MYO16: variants seen among roughly 807,000 people sequenced by gnomAD.
MYO16 encodes unconventional myosin-XVI.
Under a neutral mutation model 205.3 loss-of-function variants are expected in MYO16, and 94 were observed. The observed-to-expected ratio is 0.46, with a 90% CI of 0.39 to 0.54. The LOEUF (loss-of-function observed/expected upper bound fraction) is 0.54. Ranked by LOEUF, MYO16 falls within the 20% of genes least tolerant of loss-of-function variation. The probability of loss-of-function intolerance (pLI) is 0.00; values close to 1 mark genes in which losing one functional copy is unlikely to be tolerated. For synonymous variants in MYO16, 988 were observed against 954.0 expected, an observed-to-expected ratio of 1.04 and a Z score of -0.66; for missense variants, 2,315 against 2,387.5, an observed-to-expected ratio of 0.97 and a Z score of 0.63.
intron 3 of MYO16, among the ~76,000 whole-genome samples, chr13:108,715,039 C>T (rs1883887495): frequency 6.6e-6 from 1 of 152,206 alleles, no homozygotes; most frequent in Admixed American, 6.5e-5. Flanking sequence ...GCTCCAACAG[C>T]TTTCCTTCTC....
chr13:108,781,712 A>G (rs1594289284), intron 4 of MYO16, among the ~76,000 whole-genome samples: 1 of 68,324 alleles, frequency 1.5e-5, no homozygotes, highest in African/African-American at 3.5e-5. Flanking sequence ...ATTGTATCTC[A>G]CACAGAATTC....
intron 24 of MYO16, among the ~76,000 whole-genome samples, chr13:109,051,869 A>G (rs2139604385): frequency 6.6e-6 from 1 of 152,212 alleles, no homozygotes; most frequent in Non-Finnish European, 1.5e-5. Flanking sequence ...GTACTTACAG[A>G]CGGCTCTGAG....
rs1435366315 is a variant in MYO16 at position 108,657,937 on chromosome 13, C to T, written c.29-7949C>T. ...ATTTAATGTTTTAAAATAAGCCACC[C>T]TTTCATTCTGCTGACAAACTATACA... On this transcript the variant is annotated intron_variant, in intron 1 of 34. Coordinates refer to ENST00000457511, the MANE Select transcript of MYO16 (RefSeq NM_001198950.3). 2.6e-5 allele frequency among the ~76,000 whole-genome samples: 4 copies of T among 152,114 alleles called. No homozygotes were observed. In the East Asian group the frequency reaches 7.7e-4, roughly 29 times the overall value.
intron 12 of MYO16, among the ~76,000 whole-genome samples, chr13:108,872,973 A>G (rs1879138338): frequency 6.6e-6 from 1 of 152,196 alleles, no homozygotes; most frequent in Admixed American, 6.5e-5. Context: ...TGTAGATATT[A>G]GGTTGCTGCA....
chr13:109,142,395 C>T (rs993184977), intron 32 of MYO16, among the ~76,000 whole-genome samples: 6 of 151,478 alleles, frequency 4.0e-5, no homozygotes, highest in East Asian at 1.9e-4. Context: ...ATCCCCCACT[C>T]GCCTCCAGGT....
intron 1 of MYO16, among the ~76,000 whole-genome samples, chr13:108,657,497 T>C (rs890167470): frequency 1.3e-5 from 2 of 152,244 alleles, no homozygotes; most frequent in African/African-American, 2.4e-5. Flanking sequence ...GAAATATATA[T>C]CTTGGTTGTA....
intron 2 of MYO16, among the ~76,000 whole-genome samples, chr13:108,666,929 G>A (rs1881758294): frequency 6.6e-6 from 1 of 152,128 alleles, no homozygotes; most frequent in African/African-American, 2.4e-5. Context: ...ATTGTACAAG[G>A]CTTCAAAGAA....
intron 16 of MYO16, among the ~76,000 whole-genome samples, chr13:108,917,084 A>G (rs1314392166): frequency 6.6e-6 from 1 of 152,108 alleles, no homozygotes; most frequent in Non-Finnish European, 1.5e-5. Flanking sequence ...TCTCTGTCAC[A>G]CTCATGCACA....
intron 21 of MYO16, among the ~76,000 whole-genome samples, chr13:109,005,385 T>C (rs1885354974): frequency 6.6e-6 from 1 of 152,194 alleles, no homozygotes; most frequent in African/African-American, 2.4e-5. Context: ...GTGGTAGTCA[T>C]GGAGCACCAT....
intron 20 of MYO16, among the ~76,000 whole-genome samples, chr13:108,983,015 T>C (rs1237462799): frequency 1.3e-5 from 2 of 152,152 alleles, no homozygotes; most frequent in Admixed American, 6.6e-5. Context: ...AAAAAAAACC[T>C]TTTCAATTGA....
At chr13:108,622,269 C>T (rs949502629) in intron 1 of MYO16, among the ~76,000 whole-genome samples, 5 of 152,230 alleles carry the variant, frequency 3.3e-5, no homozygotes, top group African/African-American at 9.6e-5. Context: ...ATAGTCACAT[C>T]GTGATGGTTG....
At chr13:108,613,140 A>G (rs1332720355) in intron 1 of MYO16, among the ~76,000 whole-genome samples, 2 of 152,206 alleles carry the variant, frequency 1.3e-5, no homozygotes, top group African/African-American at 2.4e-5. Flanking sequence ...CGTTGTCTTA[A>G]GAGGGCTAAA....
intron 7 of MYO16, among the ~76,000 whole-genome samples, chr13:108,811,635 C>T (rs1887296470): frequency 6.6e-6 from 1 of 152,012 alleles, no homozygotes; most frequent in South Asian, 2.1e-4. Flanking sequence ...TAATCCTTTG[C>T]CATTTTCCTA....
the MYO16 span, among the ~76,000 whole-genome samples, chr13:108,583,284 C>T: frequency 6.6e-6 from 1 of 152,132 alleles, no homozygotes; most frequent in Non-Finnish European, 1.5e-5. Flanking sequence ...TGGAACATAT[C>T]CGTAAATCAT....
chr13:108,828,716 C>G (rs1395175967), intron 9 of MYO16, among the ~76,000 whole-genome samples: 1 of 152,050 alleles, frequency 6.6e-6, no homozygotes, highest in African/African-American at 2.4e-5. Flanking sequence ...AGGACAGGCT[C>G]GAGATGGAGT....
chr13:109,106,295 TTA>T (rs1889120778), intron 28 of MYO16, among the ~76,000 whole-genome samples: 1 of 152,238 alleles, frequency 6.6e-6, no homozygotes, highest in Non-Finnish European at 1.5e-5. Context: ...ATTATTGTTA[TTA>T]TTCAGGTATT....
At chr13:108,600,491 G>C (rs896053433) in intron 1 of MYO16, among the ~76,000 whole-genome samples, 1 of 152,116 alleles carries the variant, frequency 6.6e-6, no homozygotes, top group Non-Finnish European at 1.5e-5. Context: ...ACTGTTGACC[G>C]TTATACATTC....
At chr13:109,031,227 AACCACAGGCGCCC>A (rs1442917976) in intron 23 of MYO16, among the ~76,000 whole-genome samples, 2 of 151,996 alleles carry the variant, frequency 1.3e-5, no homozygotes, top group Non-Finnish European at 2.9e-5. Context: ...GAGTAGCTGG[AACCACAGGCGCCC>A]ACCACCACAC....
At chr13:108,934,067 T>G (rs1482062184) in intron 16 of MYO16, among the ~76,000 whole-genome samples, 1 of 152,160 alleles carries the variant, frequency 6.6e-6, no homozygotes, top group African/African-American at 2.4e-5. Context: ...AACATGTGAG[T>G]GCATGTGCCT....
Sources: allele counts gnomAD v4.1 joint callset (sites outside exome capture counted in the v4.1 genomes callset), GRCh38; gene constraint gnomAD v4.1.1; transcripts MANE v1.5; gene names NCBI Gene and HGNC (gene_info 2026-07-23, HGNC 2026-07-21).